Variants in WDR59 observed in about 807,000 individuals in gnomAD.
WDR59 encodes the protein WD repeat domain 59, also known as GATOR2 complex protein WDR59.
A neutral mutation model predicts 131.2 loss-of-function variants in WDR59; 100 were observed. That is an observed-to-expected ratio of 0.76 (90% confidence interval 0.65 to 0.90). WDR59 has a LOEUF of 0.90. Among genes scored for constraint, WDR59 ranks in the 40% least tolerant of loss-of-function variants. The pLI is 0.00. For synonymous variants in WDR59, 601 were observed against 466.2 expected (o/e 1.29, Z -3.72); for missense variants, 1,203 against 1,262.2 (o/e 0.95, Z 0.71).
At chr16:74,911,994 G>A (rs972660080) in intron 14 of WDR59, 4 of 621,686 alleles carry the variant, frequency 6.4e-6, no homozygotes, top group Non-Finnish European at 1.1e-5. Flanking sequence ...GGAAGTCTAT[G>A]ACCCAAAAAA....
chr16:74,923,154 A>T (rs976924117), intron 9 of WDR59, among the ~76,000 whole-genome samples: 3 of 152,202 alleles, frequency 2.0e-5, no homozygotes, highest in Admixed American at 1.3e-4. Flanking sequence ...TCACAATTTT[A>T]AAAAAAGGAG....
chr16:74,975,054 C>T (rs1442419210), intron 1 of WDR59, among the ~76,000 whole-genome samples: 4 of 152,176 alleles, frequency 2.6e-5, no homozygotes, highest in Non-Finnish European at 5.9e-5. Flanking sequence ...GCACTACTAT[C>T]CTTGTTTTAT....
Position 74,889,369 on chromosome 16 carries a change from C to T in WDR59, c.2195+334G>A, listed in dbSNP as rs1351180964. 1.3e-5 allele frequency among the ~76,000 whole-genome samples: 2 copies of T among 152,064 alleles called. 1 individual carries two copies. The highest frequency in any genetic ancestry group is 3.8e-4 in the East Asian group (2 of 5,196). ...TCTAATCCATTCTCAAGGGTGAGAC[C>T]CTAGAGCTTTCAAGAAGAAACTTAC... On this transcript the variant is annotated intron_variant, in intron 21 of 25. Transcript: ENST00000262144.
intron 17 of WDR59, 23 bp downstream of exon 17, chr16:74,908,885 G>C: frequency 6.2e-7 from 1 of 1,611,164 alleles, no homozygotes; most frequent in Non-Finnish European, 8.5e-7. Context: ...ACGTAGAGCG[G>C]CTTCTGCATC....
chr16:74,958,591 T>C (rs562735773), intron 2 of WDR59, among the ~76,000 whole-genome samples: 2 of 1,074 alleles, frequency 1.9e-3, no homozygotes, highest in Non-Finnish European at 7.2e-3. Context: ...AGACTCCATC[T>C]CAAAAAAAAA....
At chr16:74,958,596 A>AAAAAAAAC (rs2033410929) in intron 2 of WDR59, among the ~76,000 whole-genome samples, 1 of 103,790 alleles carries the variant, frequency 9.6e-6, no homozygotes, top group East Asian at 2.2e-4. Flanking sequence ...CCATCTCAAA[A>AAAAAAAAC]AAAAAAAAAA....
rs747175030 is a variant in WDR59, at chr16:74,958,592, C to CAAAAAAAAAAAAA, written c.105-1995_105-1983dup. On this transcript the variant is annotated intron_variant, in intron 2 of 25. Transcript: ENST00000262144. Reference sequence around the variant, plus strand: ...TGGGGGACAGGCTGAGACTCCATCTCAAAAAAAAAAAAAAAAAAAAAAAAA... The same window carrying CAAAAAAAAAAAAA: ...TGGGGGACAGGCTGAGACTCCATCTCAAAAAAAAAAAAAAAAAAAAAAAAAAAAAAAAAAAAAA... Among the ~76,000 whole-genome samples the CAAAAAAAAAAAAA allele has an allele frequency of 8.4e-3, 111 of 13,224 alleles. 6 individuals carry two copies. The highest frequency in any genetic ancestry group is 0.01 in the African/African-American group (47 of 4,698). 8.7% of individuals were successfully genotyped at this position (13,224 alleles called of 152,430 possible).
chr16:74,908,785 T>C (rs1597689177), intron 17 of WDR59, 123 bp downstream of exon 17: 1 of 666,112 alleles, frequency 1.5e-6, no homozygotes, highest in Non-Finnish European at 2.6e-6. Flanking sequence ...ATAAATCTTA[T>C]AATGGGAGTT....
chr16:74,956,668 A>G (rs1372089849), intron 2 of WDR59, 58 bp from the exon 3 acceptor site: 17 of 1,578,596 alleles, frequency 1.1e-5, no homozygotes, highest in Non-Finnish European at 1.5e-5. Flanking sequence ...TAGCATTAAG[A>G]TAGAAAAGCA....
chr16:74,945,209 G>A (rs894282019), intron 6 of WDR59, among the ~76,000 whole-genome samples: 1 of 152,134 alleles, frequency 6.6e-6, no homozygotes, highest in Non-Finnish European at 1.5e-5. Flanking sequence ...GGGCGAAGAG[G>A]CTCACGCCTG....
At chr16:74,920,472 C>A (rs1009882869) in intron 10 of WDR59, among the ~76,000 whole-genome samples, 1 of 152,156 alleles carries the variant, frequency 6.6e-6, no homozygotes, top group African/African-American at 2.4e-5. Context: ...ACAATCTCAG[C>A]TCACTGAAAC....
chr16:74,915,314 A>C (rs1966311946), intron 13 of WDR59: 4 of 154,182 alleles, frequency 2.6e-5, no homozygotes. Context: ...TCTAAGGAGG[A>C]GCTAAGGCAC....
intron 1 of WDR59, among the ~76,000 whole-genome samples, chr16:74,983,229 T>G (rs943082844): frequency 6.6e-6 from 1 of 151,698 alleles, no homozygotes; most frequent in Non-Finnish European, 1.5e-5. Flanking sequence ...TCCCAGCACT[T>G]TAGGAGGCCA....
intron 3 of WDR59, among the ~76,000 whole-genome samples, chr16:74,955,424 G>A (rs921869350): frequency 1.3e-5 from 2 of 152,238 alleles, no homozygotes; most frequent in Middle Eastern, 3.4e-3. Context: ...AGACGATCAG[G>A]GGCCGAGGGT....
chr16:74,947,807 A>C (rs1221254642), intron 6 of WDR59, among the ~76,000 whole-genome samples: 1 of 152,196 alleles, frequency 6.6e-6, no homozygotes, highest in African/African-American at 2.4e-5. Flanking sequence ...ATGGTGGCTC[A>C]CACCTGTAAT....
chr16:74,946,722 C>CA lies in WDR59; in HGVS notation c.445+1796dup, dbSNP rs200115235. Among the ~76,000 whole-genome samples, 521 of 148,178 alleles carry CA rather than the reference C, an allele frequency of 3.5e-3. 2 individuals are homozygous for CA. Among genetic ancestry groups the CA allele is most frequent in the African/African-American group, 0.012 (465 of 40,312 alleles). On this transcript the variant is annotated intron_variant, in intron 6 of 25. Coordinates refer to ENST00000262144, the MANE Select transcript of WDR59 (RefSeq NM_030581.4). The stretch of plus-strand genomic sequence containing the variant: ...TGGGTGACAGAGTGAGGATCTGTCT[C>CA]AAAAAAAAAGAAAAAAGAAAGAAAG...
intron 6 of WDR59, among the ~76,000 whole-genome samples, chr16:74,944,948 A>G (rs918778596): frequency 1.3e-5 from 2 of 151,834 alleles, no homozygotes; most frequent in African/African-American, 4.8e-5. Context: ...ATATGGTGAA[A>G]CCCCATCTCT....
chr16:74,901,563 A>T (rs1965551977), intron 18 of WDR59, among the ~76,000 whole-genome samples: 1 of 151,676 alleles, frequency 6.6e-6, no homozygotes, highest in South Asian at 2.1e-4. Flanking sequence ...GGATCACTCG[A>T]GCCCAGGAGT....
At chr16:74,900,854 C>T (rs570870926) in intron 18 of WDR59, among the ~76,000 whole-genome samples, 1 of 152,222 alleles carries the variant, frequency 6.6e-6, no homozygotes, top group Non-Finnish European at 1.5e-5. Flanking sequence ...TGCAGTGGCT[C>T]ACGCCTGTAA....
Sources: gnomAD v4.1 joint callset for allele counts (sites outside exome capture counted in the v4.1 genomes callset) on GRCh38, gnomAD v4.1.1 for gene constraint, MANE v1.5 for transcripts, NCBI Gene and HGNC (gene_info 2026-07-23, HGNC 2026-07-21) for gene names.